KCNAB2: variants seen among roughly 807,000 people sequenced by gnomAD.
KCNAB2 encodes potassium voltage-gated channel subfamily A regulatory beta subunit 2.
KCNAB2 carries 29 observed loss-of-function variants against 63.6 expected under a neutral mutation model. That is an observed-to-expected ratio of 0.46 (90% CI 0.34 to 0.62). The LOEUF is 0.62. KCNAB2 is among the 20% of genes least tolerant of loss of function. The probability of loss-of-function intolerance (pLI) is 0.01; values close to 1 mark genes in which losing one functional copy is unlikely to be tolerated. For missense variants in KCNAB2, 359 were observed against 563.9 expected, an observed-to-expected ratio of 0.64 and a Z score of 3.68; for synonymous variants, 222 against 224.2, an observed-to-expected ratio of 0.99 and a Z score of 0.09.
At chr1:6,065,012 C>A (rs777314810) in intron 2 of KCNAB2, among the ~76,000 whole-genome samples, 123 of 152,292 alleles carry the variant, frequency 8.1e-4, no homozygotes, top group Non-Finnish European at 3.7e-4. Context: ...CGTTTCCTTC[C>A]TTGGGCCATC....
upstream of KCNAB2, among the ~76,000 whole-genome samples, chr1:6,042,239 C>T (rs954313939): frequency 3.3e-5 from 5 of 152,186 alleles, no homozygotes; most frequent in Non-Finnish European, 7.3e-5. Context: ...TATCAGAGTA[C>T]AGGACGTGGC....
At chr1:6,058,079 CAG>C (rs763836060) in intron 2 of KCNAB2, among the ~76,000 whole-genome samples, 12 of 152,116 alleles carry the variant, frequency 7.9e-5, no homozygotes, top group Non-Finnish European at 1.6e-4. Context: ...GCCCAGGAGG[CAG>C]AGTCTGCAGT....
intron 2 of KCNAB2, among the ~76,000 whole-genome samples, chr1:6,052,120 T>C (rs941380327): frequency 1.3e-5 from 2 of 150,618 alleles, no homozygotes; most frequent in African/African-American, 4.9e-5. Context: ...ACAACAAAAA[T>C]GTATAAAGGA....
intron 4 of KCNAB2, among the ~76,000 whole-genome samples, chr1:6,077,185 CA>C (rs59008198): frequency 2.7e-5 from 4 of 146,086 alleles, no homozygotes; most frequent in Non-Finnish European, 4.5e-5. Context: ...CACTCCATCT[CA>C]AAAAAAAAAG....
rs569928945 is a variant in KCNAB2 at position 6,062,612 on chromosome 1, G to A, written c.219-10143G>A. 5.3e-5 allele frequency among the ~76,000 whole-genome samples: 8 copies of A among 152,194 alleles called. No individual in the cohort carries two copies. In the South Asian group the frequency reaches 1.0e-3, roughly 20 times the overall value. ...CCCTGGGAAGAACATGGTCAGTGGC[G>A]CTCGGAGAAGGGAGGGGTTACTTGT... On this transcript the variant is annotated intron_variant, in intron 2 of 15. Coordinates refer to ENST00000378083, the MANE Select transcript of KCNAB2 (RefSeq NM_001199862.2).
At chr1:6,002,759 ACTGGGAGGGG>A (rs1557918747) in intron 1 of KCNAB2, among the ~76,000 whole-genome samples, 3 of 152,096 alleles carry the variant, frequency 2.0e-5, no homozygotes, top group Admixed American at 2.0e-4. Context: ...ACTGGGAGGT[ACTGGGAGGGG>A]CTGGACAGCT....
rs917305667 is a variant in KCNAB2 at position 6,096,212 on chromosome 1, C to G, written c.949-424C>G. 6.8e-5 allele frequency: 31 copies of G among 454,414 alleles called. No homozygotes were observed. Among genetic ancestry groups the G allele is most frequent in the Non-Finnish European group, 1.1e-4 (25 of 227,156 alleles). The allele number at this position is 454,414 out of a possible 1,614,324, so 28.1% of individuals were successfully genotyped here. A position where few individuals can be genotyped will look rare whatever the true frequency, so the allele number is the denominator to read the frequency against. ...CTCCCATCCCATGGCAAGGTCAGGG[C>G]CCCCCTCCAGGAGGCCCTGCAATCC... On this transcript the variant is annotated intron_variant, in intron 13 of 15. Transcript: ENST00000378083. This position sits in a 1 kb window ranked among gnomAD's most constrained non-coding sequence, Gnocchi z 5.9.
Position 6,038,156 on chromosome 1 carries a change from T to C in KCNAB2, c.-52-2361T>C, listed in dbSNP as rs1216597777. ...CCTCCCAAAGTTCTGGGATTACAGG[T>C]GTGATCCACCATGCCTGGCCCAAAT... On this transcript the variant is annotated intron_variant, in intron 1 of 15. Coordinates refer to the KCNAB2 transcript ENST00000164247. Among the ~76,000 whole-genome samples the C allele has an allele frequency of 7.3e-5, 11 of 151,678 alleles. 1 individual carries two copies. Among genetic ancestry groups the C allele is most frequent in the South Asian group, 2.1e-4 (1 of 4,800 alleles).
At chr1:6,012,929 C>T (rs1239633087) in intron 1 of KCNAB2, among the ~76,000 whole-genome samples, 3 of 152,066 alleles carry the variant, frequency 2.0e-5, no homozygotes, top group Non-Finnish European at 4.4e-5. Flanking sequence ...GGCATCCTCT[C>T]GGTCAGGGAT....
chr1:6,027,339 T>G (rs1659269169), intron 1 of KCNAB2: 1 of 152,314 alleles, frequency 6.6e-6, no homozygotes, highest in Non-Finnish European at 1.5e-5. Context: ...TGTCGAGGGC[T>G]CCTGCTGCCT....
upstream of KCNAB2, among the ~76,000 whole-genome samples, chr1:6,033,303 A>ATGTGTGTGTGCAT (rs1468483592): frequency 7.4e-6 from 1 of 136,040 alleles, no homozygotes; most frequent in Non-Finnish European, 1.6e-5. Flanking sequence ...GGGTGTGCAT[A>ATGTGTGTGTGCAT]TGTGTGTGTG....
rs76508254 is a variant in KCNAB2, at chr1:6,085,317, G to A, written c.425+69G>A. The A allele has an allele frequency of 6.4e-4, 900 of 1,414,074 alleles. 2 individuals are homozygous for A. The African/African-American group carries it at 9.8e-3, about 15-fold the overall frequency. 87.6% of individuals were successfully genotyped at this position (1,414,074 alleles called of 1,614,324 possible). On this transcript the variant is annotated intron_variant, in intron 6 of 15. Coordinates refer to ENST00000378083, the MANE Select transcript of KCNAB2 (RefSeq NM_001199862.2). ...GGCGAACTATCCCAGGGTCAGCCTC[G>A]TCGGCCTGTCGTGCAGTGTCGTAAG...
chr1:6,067,173 C>G (rs868794711), intron 2 of KCNAB2, among the ~76,000 whole-genome samples: 4 of 152,226 alleles, frequency 2.6e-5, no homozygotes, highest in African/African-American at 4.8e-5. Context: ...CGTCCAGAAC[C>G]ATCCTCCAGG....
At chr1:6,033,203 GTGTGTGCATGTGGGTGTGTGCGCA>G (rs931262211), upstream of KCNAB2, among the ~76,000 whole-genome samples, 5 of 152,182 alleles carry the variant, frequency 3.3e-5, no homozygotes, top group Admixed American at 6.5e-5. Flanking sequence ...GCATGTGCGT[GTGTGTGCATGTGGGTGTGTGCGCA>G]TGTGTGCATG....
intron 2 of KCNAB2, among the ~76,000 whole-genome samples, chr1:6,068,261 A>ATG (rs773594180): frequency 6.6e-6 from 1 of 152,210 alleles, no homozygotes; most frequent in Non-Finnish European, 1.5e-5. Flanking sequence ...CACCACGCCC[A>ATG]TGTGTGTGCT....
intron 5 of KCNAB2, among the ~76,000 whole-genome samples, chr1:6,083,673 C>G (rs1664407627): frequency 6.6e-6 from 1 of 152,240 alleles, no homozygotes; most frequent in Admixed American, 6.5e-5. Context: ...AGTGCCCTCA[C>G]AGGGGAGCTG....
chr1:6,068,173 T>C (rs1392342778), intron 2 of KCNAB2, among the ~76,000 whole-genome samples: 1 of 152,254 alleles, frequency 6.6e-6, no homozygotes, highest in Non-Finnish European at 1.5e-5. Flanking sequence ...TAAGGCACTA[T>C]GTAATTGGAA....
intron 5 of KCNAB2, among the ~76,000 whole-genome samples, chr1:6,082,803 G>A (rs1393316524): frequency 6.6e-6 from 1 of 152,192 alleles, no homozygotes; most frequent in Non-Finnish European, 1.5e-5. Flanking sequence ...CCTGCATCGG[G>A]TTTCCAGAAG....
chr1:6,041,464 T>C (rs1660492296), upstream of KCNAB2: 1 of 260,388 alleles, frequency 3.8e-6, no homozygotes, highest in Non-Finnish European at 7.6e-6. Context: ...CACGTCTGGG[T>C]TGGAGGGTTT....
Sources: gnomAD v4.1 joint callset for allele counts (sites outside exome capture counted in the v4.1 genomes callset) on GRCh38, gnomAD v4.1.1 for gene constraint, Gnocchi (gnomAD v3.1) non-coding constraint, MANE v1.5 for transcripts, NCBI Gene and HGNC (gene_info 2026-07-23, HGNC 2026-07-21) for gene names.